The following AGTPBP1 variants were observed in gnomAD, a reference collection of about 807,000 sequenced individuals.
AGTPBP1 encodes ATP/GTP binding carboxypeptidase 1, also known as cytosolic carboxypeptidase 1.
AGTPBP1 carries 70 observed loss-of-function variants against 143.9 expected under a neutral mutation model. That is an observed-to-expected ratio of 0.49 (90% CI 0.40 to 0.59). The LOEUF (loss-of-function observed/expected upper bound fraction) is 0.59, where lower values mean the gene tolerates loss of function less well. Ranked by LOEUF, AGTPBP1 falls within the 20% of genes least tolerant of loss-of-function variation. The pLI is 0.00. For missense variants in AGTPBP1, 1,229 were observed against 1,464.5 expected, an observed-to-expected ratio of 0.84 and a Z score of 2.62; for synonymous variants, 463 against 500.2, an observed-to-expected ratio of 0.93 and a Z score of 0.99.
At chr9:85,617,791 G>A (rs1395378115) in intron 17 of AGTPBP1, among the ~76,000 whole-genome samples, 2 of 152,066 alleles carry the variant, frequency 1.3e-5, no homozygotes, top group East Asian at 3.9e-4. Context: ...TACAGACCCT[G>A]CAGAAATCAA....
chr9:85,623,649 C>G (rs1454954682), intron 14 of AGTPBP1, among the ~76,000 whole-genome samples: 2 of 151,404 alleles, frequency 1.3e-5, no homozygotes, highest in African/African-American at 2.4e-5. Context: ...CCCAGCTACT[C>G]AAGAGGCTGA....
chr9:85,759,684 T>C, the AGTPBP1 span, among the ~76,000 whole-genome samples: 45 of 151,832 alleles, frequency 3.0e-4, no homozygotes, highest in Admixed American at 1.2e-3. Flanking sequence ...GATCTAAAAT[T>C]AACAGCCTAA....
chr9:85,602,161 C>T (rs1829713545), intron 17 of AGTPBP1, among the ~76,000 whole-genome samples: 1 of 151,932 alleles, frequency 6.6e-6, no homozygotes, highest in Non-Finnish European at 1.5e-5. Flanking sequence ...GAAAGAAATA[C>T]ATGAAATGCT....
chr9:85,756,068 A>C, the AGTPBP1 span: 38,358 of 1,516,760 alleles, frequency 0.025, 610 homozygotes, highest in Middle Eastern at 0.039. Flanking sequence ...TTTAATTTTA[A>C]TGTAGAAATT....
chr9:85,629,785 G>T (rs1252959539), intron 14 of AGTPBP1, among the ~76,000 whole-genome samples: 1 of 152,182 alleles, frequency 6.6e-6, no homozygotes, highest in Non-Finnish European at 1.5e-5. Context: ...TGGGAGGGAT[G>T]TATGTCCCTT....
intron 6 of AGTPBP1, among the ~76,000 whole-genome samples, chr9:85,677,192 G>A (rs1834881530): frequency 1.3e-5 from 2 of 152,078 alleles, no homozygotes; most frequent in African/African-American, 4.8e-5. Flanking sequence ...GATATGGAAT[G>A]ATCCCAACAC....
chr9:85,711,435 TTCTTTC>T (rs1165298097), intron 2 of AGTPBP1, among the ~76,000 whole-genome samples: 1 of 151,622 alleles, frequency 6.6e-6, no homozygotes, highest in African/African-American at 2.4e-5. Flanking sequence ...TTTATCTTTT[TTCTTTC>T]TTTTTTTTTT....
At chr9:85,769,544 A>T in the AGTPBP1 span, among the ~76,000 whole-genome samples, 1 of 151,840 alleles carries the variant, frequency 6.6e-6, no homozygotes, top group Non-Finnish European at 1.5e-5. Context: ...AAAAAAAGAA[A>T]AAAAGAACTT....
At chr9:85,785,699 C>T in the AGTPBP1 span, 6 of 165,916 alleles carry the variant, frequency 3.6e-5, no homozygotes, top group African/African-American at 7.2e-5. Context: ...AGTTTTCCCT[C>T]GAGATATGGG....
chr9:85,795,039 G>A, the AGTPBP1 span, among the ~76,000 whole-genome samples: 1 of 152,128 alleles, frequency 6.6e-6, no homozygotes, highest in African/African-American at 2.4e-5. Flanking sequence ...AACTTAGGTG[G>A]TGCTTACCCA....
At chr9:85,611,529 T>C (rs954734916) in intron 17 of AGTPBP1, among the ~76,000 whole-genome samples, 2 of 145,508 alleles carry the variant, frequency 1.4e-5, no homozygotes, top group Admixed American at 6.7e-5. Context: ...TAACATTGTA[T>C]TAAAATAGAA....
At chr9:85,761,821 G>A in the AGTPBP1 span, among the ~76,000 whole-genome samples, 26 of 152,212 alleles carry the variant, frequency 1.7e-4, no homozygotes, top group South Asian at 1.4e-3. Flanking sequence ...AGAAACTACC[G>A]TCAGAGTGAG....
rs140974633 is a variant in AGTPBP1, at chr9:85,659,585, GACT to G, written c.700+1348_700+1350del. Among the ~76,000 whole-genome samples, 1,419 of 152,144 alleles carry G rather than the reference GACT, an allele frequency of 9.3e-3. 11 individuals carry two copies. Among genetic ancestry groups the G allele is most frequent in the Non-Finnish European group, 0.014 (935 of 67,986 alleles). On this transcript the variant is annotated intron_variant, in intron 9 of 25. Transcript: ENST00000357081. Reference sequence around the variant, plus strand: ...AAAAGAAGGGAGGGAGTAAAAAGGAGACTACTACTAAAAACTGAAAATATTAAA... The same window carrying G: ...AAAAGAAGGGAGGGAGTAAAAAGGAGACTACTAAAAACTGAAAATATTAAA...
At chr9:85,609,577 G>A (rs1207512887) in intron 17 of AGTPBP1, among the ~76,000 whole-genome samples, 5 of 152,038 alleles carry the variant, frequency 3.3e-5, no homozygotes, top group East Asian at 1.9e-4. Context: ...CACCGCGCCC[G>A]GCCAGATCTT....
At position 85,632,821 on chromosome 9, in the gene AGTPBP1, G is replaced by C. The variant is rs751120221; in HGVS notation, c.1856C>G (p.Pro619Arg). 1.9e-6 allele frequency: 3 copies of C among 1,614,008 alleles called. No homozygotes were observed. The highest frequency in any genetic ancestry group is 2.2e-5 in the South Asian group (2 of 91,090). ...TGGGTCATGGAGTGTTGGTCCATCAGGTACTTCAACCGATGCTTGTTCTAC... is the reference window on the plus strand; with the variant it reads ...TGGGTCATGGAGTGTTGGTCCATCACGTACTTCAACCGATGCTTGTTCTAC... ...SSVEQASVEV[P>R]DGPTLHDPDL... Residue 619 changes from proline (P) to arginine (R), a missense_variant, in exon 14 of 26, where the codon CCT becomes CGT. Physicochemically the swap from Pro to Arg is moderately radical, Grantham distance 103. Transcript: ENST00000357081.
chr9:85,773,641 A>C, the AGTPBP1 span, among the ~76,000 whole-genome samples: 1 of 152,026 alleles, frequency 6.6e-6, no homozygotes, highest in Non-Finnish European at 1.5e-5. Flanking sequence ...CCTGGCCTGA[A>C]TTCTAACAAA....
the AGTPBP1 span, among the ~76,000 whole-genome samples, chr9:85,776,812 G>C: frequency 6.6e-6 from 1 of 152,164 alleles, no homozygotes; most frequent in Non-Finnish European, 1.5e-5. Context: ...AATGTTGTGG[G>C]AACAGGAAGC....
chr9:85,592,246 A>G (rs753481686), intron 19 of AGTPBP1, among the ~76,000 whole-genome samples: 7 of 152,022 alleles, frequency 4.6e-5, no homozygotes, highest in Non-Finnish European at 8.8e-5. Flanking sequence ...AGTAAAAATC[A>G]TGTCAAAGTT....
intron 20 of AGTPBP1, 95 bp downstream of exon 20, chr9:85,589,433 T>C (rs1037151251): frequency 1.3e-5 from 19 of 1,454,722 alleles, no homozygotes; most frequent in Middle Eastern, 1.8e-4. Flanking sequence ...TCTTCTGATG[T>C]CTGTTCCTAT....
Sources: gnomAD v4.1 joint callset for allele counts (sites outside exome capture counted in the v4.1 genomes callset) on GRCh38, gnomAD v4.1.1 for gene constraint, MANE v1.5 for transcripts, NCBI Gene and HGNC (gene_info 2026-07-23, HGNC 2026-07-21) for gene names.